GRID2: variants seen among roughly 807,000 people sequenced by gnomAD.
The protein encoded by GRID2 is glutamate receptor ionotropic, delta-2.
GRID2 carries 33 observed loss-of-function variants against 114.8 expected under a neutral mutation model. The ratio of observed to expected loss-of-function variants is 0.29; its 90% confidence interval spans 0.22 to 0.38. GRID2 has a LOEUF of 0.38. Ranked by LOEUF, GRID2 falls within the 10% of genes least tolerant of loss-of-function variation. The pLI is 1.00. For missense variants in GRID2, 1,184 were observed against 1,257.7 expected (o/e 0.94, Z 0.89); for synonymous variants, 505 against 449.9 (o/e 1.12, Z -1.55).
intron 2 of GRID2, among the ~76,000 whole-genome samples, chr4:92,736,268 A>C (rs187757548): frequency 1.3e-5 from 2 of 152,190 alleles, no homozygotes; most frequent in East Asian, 1.9e-4. Context: ...ATGACAGAAG[A>C]AGCATTTAAA....
At chr4:92,520,315 G>C (rs1280740173) in intron 1 of GRID2, among the ~76,000 whole-genome samples, 1 of 151,664 alleles carries the variant, frequency 6.6e-6, no homozygotes, top group Non-Finnish European at 1.5e-5. Flanking sequence ...TATGTTACAT[G>C]ATGAGGAAAT....
At chr4:92,373,694 T>C (rs1036431353) in intron 1 of GRID2, among the ~76,000 whole-genome samples, 2 of 152,188 alleles carry the variant, frequency 1.3e-5, no homozygotes, top group Non-Finnish European at 2.9e-5. Flanking sequence ...TACATCCTAA[T>C]TATTAGTACT....
In GRID2 at chr4:92,485,321, TATATATATATATATATATATATATATA is replaced by T. The variant is rs1447715122; in HGVS notation, c.89-104809_89-104783del. On this transcript the variant is annotated intron_variant, in intron 1 of 15. Transcript: ENST00000282020. ...GTGTGCATATATATATATATATATA[TATATATATATATATATATATATATATA>T]GTGTGTGTGTGTGTGTGTGTGAGTG... is the stretch of plus-strand genomic sequence containing the variant. Among the ~76,000 whole-genome samples, 418 of 94,996 alleles carry T rather than the reference TATATATATATATATATATATATATATA, an allele frequency of 4.4e-3. 10 individuals carry two copies. Among genetic ancestry groups the T allele is most frequent in the Non-Finnish European group, 7.3e-3 (314 of 42,898 alleles). The allele number at this position is 94,996 out of a possible 152,430, so 62.3% of individuals were successfully genotyped here.
chr4:92,521,345 CTA>C (rs1724768105), intron 1 of GRID2, among the ~76,000 whole-genome samples: 1 of 151,780 alleles, frequency 6.6e-6, no homozygotes, highest in East Asian at 1.9e-4. Context: ...AGTATAAAAA[CTA>C]AAAATCATAA....
intron 1 of GRID2, among the ~76,000 whole-genome samples, chr4:92,406,567 T>C (rs1365210373): frequency 4.6e-5 from 7 of 152,004 alleles, no homozygotes; most frequent in Non-Finnish European, 7.4e-5. Context: ...ACTTTTATTA[T>C]AGATTAAGAG....
intron 1 of GRID2, among the ~76,000 whole-genome samples, chr4:92,339,164 A>G (rs1360511328): frequency 1.3e-5 from 2 of 152,128 alleles, no homozygotes; most frequent in Non-Finnish European, 2.9e-5. Context: ...CAAAAAATAA[A>G]GTATATGTGT....
At chr4:92,964,168 A>T (rs550153972) in intron 2 of GRID2, among the ~76,000 whole-genome samples, 1 of 152,146 alleles carries the variant, frequency 6.6e-6, no homozygotes, top group East Asian at 1.9e-4. Flanking sequence ...GTAAATGAGC[A>T]TTGGCTTCAA....
chr4:93,439,531 G>T (rs1174757845), intron 10 of GRID2, among the ~76,000 whole-genome samples: 4 of 152,058 alleles, frequency 2.6e-5, no homozygotes, highest in Non-Finnish European at 5.9e-5. Context: ...GAACCCAAGT[G>T]AATAATGTTG....
At chr4:92,552,926 A>G (rs866758058) in intron 1 of GRID2, among the ~76,000 whole-genome samples, 9 of 152,296 alleles carry the variant, frequency 5.9e-5, no homozygotes, top group Admixed American at 3.9e-4. Context: ...GGTTGCTCCA[A>G]TGATTTTGCC....
chr4:92,384,718 C>T (rs1191643207), intron 1 of GRID2, among the ~76,000 whole-genome samples: 1 of 125,506 alleles, frequency 8.0e-6, no homozygotes, highest in African/African-American at 3.1e-5. Flanking sequence ...GTTTGGGAGC[C>T]ATATAAATAT....
chr4:93,134,408 G>A (rs1173013180), intron 4 of GRID2, among the ~76,000 whole-genome samples: 1 of 152,106 alleles, frequency 6.6e-6, no homozygotes, highest in African/African-American at 2.4e-5. Flanking sequence ...ATGGTGCTTA[G>A]TGTTCTCCTA....
chr4:93,423,328 T>TTTTC (rs1414515918), intron 10 of GRID2, among the ~76,000 whole-genome samples: 7 of 143,966 alleles, frequency 4.9e-5, no homozygotes, highest in African/African-American at 1.3e-4. Flanking sequence ...GTACTATTTT[T>TTTTC]TTTCTTTCTT....
chr4:92,614,468 G>C (rs1211064709), intron 2 of GRID2, among the ~76,000 whole-genome samples: 2 of 151,270 alleles, frequency 1.3e-5, no homozygotes, highest in East Asian at 3.9e-4. Context: ...ATTTTGTCTT[G>C]TAATTTATTT....
intron 3 of GRID2, among the ~76,000 whole-genome samples, chr4:93,107,663 G>T (rs189679326): frequency 1.3e-5 from 2 of 151,822 alleles, no homozygotes; most frequent in Non-Finnish European, 2.9e-5. Flanking sequence ...CTCAGCCTGG[G>T]TATGTATTTT....
chr4:93,260,196 T>A (rs184662428), intron 8 of GRID2, among the ~76,000 whole-genome samples: 1 of 151,764 alleles, frequency 6.6e-6, no homozygotes, highest in Admixed American at 6.6e-5. Flanking sequence ...AAACTGTAAA[T>A]CCATGGAGTT....
intron 2 of GRID2, among the ~76,000 whole-genome samples, chr4:93,024,135 G>A (rs1187985693): frequency 1.3e-5 from 2 of 151,640 alleles, no homozygotes; most frequent in African/African-American, 2.4e-5. Context: ...TCAAAACCTG[G>A]CATTTATTTT....
chr4:93,388,516 C>T (rs762984726), intron 8 of GRID2, among the ~76,000 whole-genome samples: 5 of 151,964 alleles, frequency 3.3e-5, no homozygotes, highest in Admixed American at 2.6e-4. Context: ...CTCAAGAAAC[C>T]GTAGGAAGAC....
At chr4:93,208,139 G>A (rs1202769947) in intron 5 of GRID2, among the ~76,000 whole-genome samples, 1 of 151,800 alleles carries the variant, frequency 6.6e-6, no homozygotes, top group Non-Finnish European at 1.5e-5. Flanking sequence ...GTAGTACTTG[G>A]TCATACCTAT....
chr4:93,292,168 T>G (rs1713170675), intron 8 of GRID2, among the ~76,000 whole-genome samples: 2 of 152,312 alleles, frequency 1.3e-5, no homozygotes, highest in South Asian at 4.1e-4. Context: ...TGTTGTACAA[T>G]TCATCTGGTG....
Sources: allele counts gnomAD v4.1 joint callset (sites outside exome capture counted in the v4.1 genomes callset), GRCh38; gene constraint gnomAD v4.1.1; transcripts MANE v1.5; gene names NCBI Gene and HGNC (gene_info 2026-07-23, HGNC 2026-07-21).